Variants in PTPRM observed in about 807,000 individuals in gnomAD.
PTPRM encodes the protein receptor-type tyrosine-protein phosphatase mu.
PTPRM carries 47 observed loss-of-function variants against 186.7 expected under a neutral mutation model. That is an observed-to-expected ratio of 0.25 (90% CI 0.20 to 0.32). The LOEUF is 0.32. Ranked by LOEUF, PTPRM falls within the 10% of genes least tolerant of loss-of-function variation. PTPRM has a pLI of 1.00. For missense variants in PTPRM, 1,494 were observed against 1,865.0 expected (o/e 0.80, Z 3.66); for synonymous variants, 668 against 674.9 (o/e 0.99, Z 0.16).
At chr18:8,395,987 GT>G (rs2095843503) in intron 32 of PTPRM, among the ~76,000 whole-genome samples, 1 of 152,254 alleles carries the variant, frequency 6.6e-6, no homozygotes, top group Non-Finnish European at 1.5e-5. Context: ...GTTGTAGAGA[GT>G]GTAGGAGTCT....
chr18:8,287,786 G>A (rs1188602707), intron 19 of PTPRM, among the ~76,000 whole-genome samples: 1 of 152,190 alleles, frequency 6.6e-6, no homozygotes, highest in African/African-American at 2.4e-5. Flanking sequence ...CTGTCTCTCT[G>A]AAATTTGGGG....
chr18:8,374,906 A>G (rs2095685707), intron 24 of PTPRM, among the ~76,000 whole-genome samples: 1 of 152,228 alleles, frequency 6.6e-6, no homozygotes, highest in Non-Finnish European at 1.5e-5. Flanking sequence ...TTGATGGTGA[A>G]AGTGATGAGG....
intron 2 of PTPRM, among the ~76,000 whole-genome samples, chr18:7,813,014 T>C (rs2044611666): frequency 6.6e-6 from 1 of 152,264 alleles, no homozygotes; most frequent in Non-Finnish European, 1.5e-5. Flanking sequence ...CTTAGCCACC[T>C]AGCTCTATGA....
Position 7,937,861 on chromosome 18 carries a change from T to C in PTPRM, c.663+11178T>C, listed in dbSNP as rs142188602. 8.1e-3 allele frequency among the ~76,000 whole-genome samples: 1,238 copies of C among 152,308 alleles called. 6 individuals are homozygous for C. Among genetic ancestry groups the C allele is most frequent in the South Asian group, 0.033 (158 of 4,824 alleles). ...TTCAGTCCATTGCGCTTAATATCTT[T>C]ATTGCTGCTCATGTCTTCCCCAGCC... On this transcript the variant is annotated intron_variant, in intron 5 of 32. Coordinates refer to ENST00000580170, the MANE Select transcript of PTPRM (RefSeq NM_001105244.2).
chr18:7,826,977 C>G (rs2145675584), intron 2 of PTPRM, among the ~76,000 whole-genome samples: 1 of 152,198 alleles, frequency 6.6e-6, no homozygotes, highest in Middle Eastern at 3.4e-3. Flanking sequence ...TGATATTCAC[C>G]TATAATCCCA....
intron 1 of PTPRM, among the ~76,000 whole-genome samples, chr18:7,625,388 G>T (rs1294829092): frequency 6.6e-6 from 1 of 152,124 alleles, no homozygotes; most frequent in East Asian, 1.9e-4. Context: ...ATTTGATTCT[G>T]TTTGCTATTT....
chr18:7,809,051 T>C (rs2044375610), intron 2 of PTPRM, among the ~76,000 whole-genome samples: 1 of 152,070 alleles, frequency 6.6e-6, no homozygotes, highest in South Asian at 2.1e-4. Context: ...TTCTCAGCAG[T>C]CATTACCCAC....
At chr18:8,217,638 A>G (rs1037216200) in intron 14 of PTPRM, among the ~76,000 whole-genome samples, 6 of 152,184 alleles carry the variant, frequency 3.9e-5, no homozygotes, top group African/African-American at 1.4e-4. Flanking sequence ...CAGGCTGGCT[A>G]CACTGTTCCA....
chr18:7,949,182 G>A lies in PTPRM; in HGVS notation c.665G>A (p.Gly222Asp). 6.2e-7 allele frequency: 1 copy of A among 1,600,574 alleles called. No homozygotes were observed. The highest frequency in any genetic ancestry group is 8.6e-7 in the Non-Finnish European group (1 of 1,168,368). Reference sequence around the variant, plus strand: ...TCCTCCCCACCCCACTTGATACAGGGCATTGATGTGCGAGATGCTCCTCTG... The same window carrying A: ...TCCTCCCCACCCCACTTGATACAGGACATTGATGTGCGAGATGCTCCTCTG... ...TVAGDRLWLQ[G>D]IDVRDAPLKE... The change falls in exon 6 of 33, where the codon GGC (glycine) becomes GAC (aspartate). Residue 222 changes from glycine (G) to aspartate (D), a missense_variant and splice_region_variant. Physicochemically the swap from Gly to Asp is moderately conservative, Grantham distance 94 (BLOSUM62 -1). Around this residue, in one of 3 missense-constraint regions of PTPRM, gnomAD observed 296 missense variants for 345.5 expected, o/e 0.86. Coordinates refer to ENST00000580170, the MANE Select transcript of PTPRM (RefSeq NM_001105244.2).
intron 11 of PTPRM, among the ~76,000 whole-genome samples, chr18:8,098,219 C>A (rs977237032): frequency 6.6e-6 from 1 of 152,112 alleles, no homozygotes; most frequent in African/African-American, 2.4e-5. Context: ...GACTCATGAC[C>A]ATATTTAATG....
At chr18:8,351,346 G>A (rs2095533100) in intron 23 of PTPRM, among the ~76,000 whole-genome samples, 1 of 152,160 alleles carries the variant, frequency 6.6e-6, no homozygotes, top group African/African-American at 2.4e-5. Flanking sequence ...CAACATCTCT[G>A]AGCCCCAGAT....
chr18:8,204,788 CA>C (rs1568517185), intron 14 of PTPRM, among the ~76,000 whole-genome samples: 1 of 151,510 alleles, frequency 6.6e-6, no homozygotes, highest in African/African-American at 2.4e-5. Flanking sequence ...AAAACAAAAA[CA>C]AAAACCCTAA....
intron 19 of PTPRM, among the ~76,000 whole-genome samples, chr18:8,286,436 C>T (rs939068718): frequency 6.6e-6 from 1 of 152,208 alleles, no homozygotes; most frequent in Non-Finnish European, 1.5e-5. Context: ...TTCCGCCATG[C>T]TGGGATTTCT....
chr18:8,095,462 G>A (rs543301619), intron 11 of PTPRM, among the ~76,000 whole-genome samples: 13 of 152,272 alleles, frequency 8.5e-5, no homozygotes, highest in South Asian at 2.1e-4. Flanking sequence ...ATCAGAGAGA[G>A]GGGTGGGATG....
At chr18:8,139,531 C>T (rs1417178237) in intron 13 of PTPRM, among the ~76,000 whole-genome samples, 1 of 152,178 alleles carries the variant, frequency 6.6e-6, no homozygotes, top group Non-Finnish European at 1.5e-5. Context: ...CAGAATCCTC[C>T]CAAGGCTTCT....
In PTPRM at chr18:7,603,411, G is replaced by A. The variant is rs2037454813; in HGVS notation, c.73+35520G>A. Among the ~76,000 whole-genome samples the A allele has an allele frequency of 2.0e-5, 3 of 152,222 alleles. No individual in the cohort carries two copies. The South Asian group carries it at 6.2e-4, about 31-fold the overall frequency. On this transcript the variant is annotated intron_variant, in intron 1 of 32. Coordinates refer to ENST00000580170, the MANE Select transcript of PTPRM (RefSeq NM_001105244.2). ...GGTAAATGTTTGATTTGGATGTTAA[G>A]CTAACGTTTGCAGGGCCCCTGCCTG...
chr18:8,017,024 C>T (rs983142049), intron 7 of PTPRM, among the ~76,000 whole-genome samples: 6 of 152,126 alleles, frequency 3.9e-5, no homozygotes, highest in African/African-American at 1.4e-4. Context: ...TAAACCCATA[C>T]CGATTTTTTT....
intron 23 of PTPRM, among the ~76,000 whole-genome samples, chr18:8,367,404 G>T (rs922728890): frequency 1.3e-5 from 2 of 152,254 alleles, no homozygotes; most frequent in African/African-American, 4.8e-5. Context: ...AATTACCGCC[G>T]GGTCGGAGGC....
At chr18:7,736,563 TC>T (rs2040774287) in intron 1 of PTPRM, among the ~76,000 whole-genome samples, 1 of 151,996 alleles carries the variant, frequency 6.6e-6, no homozygotes, top group African/African-American at 2.4e-5. Flanking sequence ...AAATCCGAGC[TC>T]CCCGAATGCT....
Sources: gnomAD v4.1 joint callset for allele counts (sites outside exome capture counted in the v4.1 genomes callset) on GRCh38, gnomAD v4.1.1 for gene constraint, gnomAD v4.1.1 regional missense constraint, MANE v1.5 for transcripts, NCBI Gene and HGNC (gene_info 2026-07-23, HGNC 2026-07-21) for gene names.